Variants in PDE4D observed in about 807,000 individuals in gnomAD.
The protein encoded by PDE4D is phosphodiesterase 4D, also known as 3',5'-cyclic-AMP phosphodiesterase 4D.
PDE4D carries 24 observed loss-of-function variants against 87.4 expected under a neutral mutation model. That is an observed-to-expected ratio of 0.27 (90% CI 0.20 to 0.39). The LOEUF (loss-of-function observed/expected upper bound fraction) is 0.39, where lower values mean the gene tolerates loss of function less well. Among genes scored for constraint, PDE4D ranks in the 10% least tolerant of loss-of-function variants. The probability of loss-of-function intolerance (pLI) is 1.00; values close to 1 mark genes in which losing one functional copy is unlikely to be tolerated. For missense variants in PDE4D, 714 were observed against 1,041.0 expected (o/e 0.69, Z 4.32); for synonymous variants, 384 against 383.2 (o/e 1.00, Z -0.02).
intron 2 of PDE4D, among the ~76,000 whole-genome samples, chr5:60,163,135 T>C (rs747027340): frequency 1.2e-4 from 19 of 152,318 alleles, no homozygotes; most frequent in Non-Finnish European, 2.4e-4. Context: ...CTCTTTTTAA[T>C]TGAAAGCCTG....
At chr5:59,999,431 C>T (rs1026653604) in intron 2 of PDE4D, among the ~76,000 whole-genome samples, 7 of 148,092 alleles carry the variant, frequency 4.7e-5, no homozygotes, top group South Asian at 2.1e-4. Flanking sequence ...AGACACCAGA[C>T]GGAGAAGGAG....
At chr5:59,500,565 G>A (rs1178394942) in intron 1 of PDE4D, among the ~76,000 whole-genome samples, 2 of 152,086 alleles carry the variant, frequency 1.3e-5, no homozygotes, top group Non-Finnish European at 1.5e-5. Context: ...GAGGCAACAC[G>A]GACACAAATA....
intron 1 of PDE4D, among the ~76,000 whole-genome samples, chr5:60,398,618 T>C (rs1357671203): frequency 6.6e-6 from 1 of 152,128 alleles, no homozygotes; most frequent in African/African-American, 2.4e-5. Context: ...ACCCATTGCA[T>C]TGTCAACTGA....
At chr5:59,792,781 G>C (rs1765965326) in intron 1 of PDE4D, among the ~76,000 whole-genome samples, 3 of 152,174 alleles carry the variant, frequency 2.0e-5, no homozygotes, top group South Asian at 4.1e-4. Flanking sequence ...GAACAAAAAG[G>C]CCCTTGATCT....
At chr5:59,211,772 T>A (rs947456584) in intron 2 of PDE4D, among the ~76,000 whole-genome samples, 2 of 152,118 alleles carry the variant, frequency 1.3e-5, no homozygotes, top group Admixed American at 6.5e-5. Flanking sequence ...ATTACTACCA[T>A]CTTTATCTGT....
At chr5:60,426,433 G>GA (rs532465715) in intron 1 of PDE4D, among the ~76,000 whole-genome samples, 269 of 152,098 alleles carry the variant, frequency 1.8e-3, no homozygotes, top group Non-Finnish European at 3.0e-3. Flanking sequence ...CACAATGACA[G>GA]AAAACCAAAT....
chr5:59,282,194 T>C (rs1765930895), intron 1 of PDE4D, among the ~76,000 whole-genome samples: 1 of 152,164 alleles, frequency 6.6e-6, no homozygotes, highest in African/African-American at 2.4e-5. Flanking sequence ...CCTAACTCTA[T>C]ATACCAATCT....
intron 1 of PDE4D, chr5:59,586,416 A>G (rs1444478606): frequency 6.2e-7 from 1 of 1,604,108 alleles, no homozygotes; most frequent in African/African-American, 1.3e-5. Context: ...CTTGTCTCCT[A>G]CGTTACATGT....
chr5:59,988,715 G>C (rs1219342423), exon 3 of PDE4D: 2 of 1,550,390 alleles, frequency 1.3e-6, no homozygotes, highest in East Asian at 4.5e-5. Context: ...TTTCCTCAGA[G>C]GCCTGAGGTA....
chr5:59,321,398 G>A (rs1774703670), intron 1 of PDE4D, among the ~76,000 whole-genome samples: 1 of 152,086 alleles, frequency 6.6e-6, no homozygotes, highest in Non-Finnish European at 1.5e-5. Context: ...CACAACCCCT[G>A]TGACAGCTAA....
At chr5:59,830,267 C>T (rs955708295) in intron 1 of PDE4D, among the ~76,000 whole-genome samples, 2 of 152,022 alleles carry the variant, frequency 1.3e-5, no homozygotes, top group Admixed American at 6.6e-5. Context: ...TTGTTAGCTG[C>T]CTCGCTCTTT....
At chr5:59,887,055 T>C (rs1750269477) in intron 1 of PDE4D, among the ~76,000 whole-genome samples, 1 of 152,090 alleles carries the variant, frequency 6.6e-6, no homozygotes, top group Admixed American at 6.5e-5. Context: ...ACAAGAGTTA[T>C]TTCTGAGGAC....
chr5:60,044,784 T>C, intron 2 of PDE4D, among the ~76,000 whole-genome samples: 1 of 152,188 alleles, frequency 6.6e-6, no homozygotes, highest in Non-Finnish European at 1.5e-5. Flanking sequence ...TTTGGGTTGG[T>C]TCCAAGTCTT....
chr5:58,997,162 C>T (rs1440475379), intron 6 of PDE4D, among the ~76,000 whole-genome samples: 1 of 152,162 alleles, frequency 6.6e-6, no homozygotes, highest in African/African-American at 2.4e-5. Context: ...AGGGTATTTT[C>T]TAAAAGGAAT....
intron 5 of PDE4D, among the ~76,000 whole-genome samples, chr5:59,127,759 C>A (rs1186319203): frequency 1.3e-5 from 2 of 151,936 alleles, no homozygotes; most frequent in Non-Finnish European, 2.9e-5. Context: ...ATGCCTAGTG[C>A]GACATCAGAA....
At chr5:60,484,719 A>G (rs1434165834) in intron 1 of PDE4D, among the ~76,000 whole-genome samples, 1 of 152,220 alleles carries the variant, frequency 6.6e-6, no homozygotes, top group African/African-American at 2.4e-5. Flanking sequence ...AGGATCAAAC[A>G]GTGAAGATTT....
chr5:59,091,339 G>A lies in PDE4D; in HGVS notation c.809-52368C>T, dbSNP rs113528243. Among the ~76,000 whole-genome samples, 840 of 152,044 alleles carry A rather than the reference G, an allele frequency of 5.5e-3. 12 individuals are homozygous for A. The highest frequency in any genetic ancestry group is 0.019 in the African/African-American group (789 of 41,478). ...TCAAGATACACGCACATAAGTGTTC[G>A]AAATATCTTTATTCATAATATTTCC... On this transcript the variant is annotated intron_variant, in intron 5 of 14. Coordinates refer to ENST00000340635, the MANE Select transcript of PDE4D (RefSeq NM_001104631.2).
intron 1 of PDE4D, among the ~76,000 whole-genome samples, chr5:59,605,826 T>C (rs1416731160): frequency 6.6e-6 from 1 of 152,098 alleles, no homozygotes; most frequent in Non-Finnish European, 1.5e-5. Context: ...TAAGTGTATT[T>C]GTTAGTGAAC....
intron 1 of PDE4D, among the ~76,000 whole-genome samples, chr5:59,698,625 T>C (rs1752139508): frequency 6.6e-6 from 1 of 152,104 alleles, no homozygotes; most frequent in African/African-American, 2.4e-5. Context: ...TATTTATTTA[T>C]TTATTTGAGG....
Sources: allele counts gnomAD v4.1 joint callset (sites outside exome capture counted in the v4.1 genomes callset), GRCh38; gene constraint gnomAD v4.1.1; transcripts MANE v1.5; gene names NCBI Gene and HGNC (gene_info 2026-07-23, HGNC 2026-07-21).